The following DMD variants were observed in gnomAD, a reference collection of about 807,000 sequenced individuals.
The protein encoded by DMD is mutant dystrophin.
Under a neutral mutation model 330.1 loss-of-function variants are expected in DMD, and 63 were observed. That is an observed-to-expected ratio of 0.19 (90% CI 0.16 to 0.24). DMD has a LOEUF of 0.24. Ranked by LOEUF, DMD falls within the 10% of genes least tolerant of loss-of-function variation. The pLI is 1.00. For missense variants in DMD, 3,344 were observed against 2,684.1 expected (o/e 1.25, Z -5.43); for synonymous variants, 1,223 against 959.8 (o/e 1.27, Z -5.07).
At chrX:32,823,504 T>C (rs966787366) in intron 4 of DMD, 117 bp from the exon 5 acceptor site, 3 of 513,919 alleles carry the variant, frequency 5.8e-6, no homozygotes, top group African/African-American at 4.8e-5. Context: ...GACTTAGCAT[T>C]GAAGCTTTTT....
intron 43 of DMD, among the ~76,000 whole-genome samples, chrX:32,219,884 TG>T (rs1324740453): frequency 8.9e-6 from 1 of 112,178 alleles, no homozygotes; most frequent in Non-Finnish European, 1.9e-5. Flanking sequence ...TATTGGTAAT[TG>T]CCATCCTCTA....
At chrX:32,128,719 C>T (rs1017420087) in intron 44 of DMD, among the ~76,000 whole-genome samples, 14 of 111,707 alleles carry the variant, frequency 1.3e-4, no homozygotes, top group African/African-American at 4.2e-4. Flanking sequence ...GTATTTATCA[C>T]CATTCAACAC....
Position 33,136,278 on chromosome X carries a change from C to CAAAAAAAAAA in DMD, c.31+74994_31+75003dup, listed in dbSNP as rs57297863. ...TGGGTGGCAGAGTGAGACCCCGTCT[C>CAAAAAAAAAA]AAAAAAAAAAAAAAAAAAAAAAAAA... On this transcript the variant is annotated intron_variant, in intron 1 of 78. Transcript: ENST00000357033. Among the ~76,000 whole-genome samples, 3 of 19,712 alleles carry CAAAAAAAAAA rather than the reference C, an allele frequency of 1.5e-4. 1 individual carries two copies. The highest frequency in any genetic ancestry group is 8.5e-4 in the African/African-American group (3 of 3,542). The allele number at this position is 19,712 out of a possible 115,157, so 17.1% of individuals were successfully genotyped here. A position where few individuals can be genotyped will look rare whatever the true frequency, so the allele number is the denominator to read the frequency against.
At chrX:31,627,570 G>A in intron 55 of DMD, 103 bp downstream of exon 55, 1 of 880,009 alleles carries the variant, frequency 1.1e-6, no homozygotes, top group Non-Finnish European at 1.6e-6. Context: ...CTGTATAAAA[G>A]CAACTATTTT....
At chrX:32,269,106 G>A (rs1478012338) in intron 43 of DMD, among the ~76,000 whole-genome samples, 2 of 111,148 alleles carry the variant, frequency 1.8e-5, no homozygotes, top group Admixed American at 1.9e-4. Flanking sequence ...GGGCTCCCGC[G>A]TGCGCACTAA....
chrX:33,109,754 T>A (rs775742841), intron 1 of DMD, among the ~76,000 whole-genome samples: 1 of 111,114 alleles, frequency 9.0e-6, no homozygotes, highest in South Asian at 3.8e-4. Flanking sequence ...TTGTTTGAAA[T>A]AATGAGATTT....
intron 52 of DMD, among the ~76,000 whole-genome samples, chrX:31,704,642 T>C (rs1251674869): frequency 1.8e-5 from 2 of 111,620 alleles, no homozygotes; most frequent in Admixed American, 9.5e-5. Context: ...TTAAAACATA[T>C]AAAACTAATG....
At chrX:32,788,786 T>C (rs770202588) in intron 7 of DMD, among the ~76,000 whole-genome samples, 11 of 112,300 alleles carry the variant, frequency 9.8e-5, no homozygotes, top group Admixed American at 8.5e-4. Flanking sequence ...AGACTTCTAA[T>C]TTGAAAACTA....
At chrX:31,902,564 C>T (rs1281340419) in intron 47 of DMD, among the ~76,000 whole-genome samples, 1 of 111,240 alleles carries the variant, frequency 9.0e-6, no homozygotes, top group Non-Finnish European at 1.9e-5. Flanking sequence ...GTAGGCAAAG[C>T]GATATAAGAG....
intron 41 of DMD, among the ~76,000 whole-genome samples, chrX:32,328,036 C>T (rs369727991): frequency 3.6e-5 from 4 of 111,048 alleles, no homozygotes; most frequent in African/African-American, 1.3e-4. Context: ...AAATGATGAA[C>T]GTTAGAGTCT....
intron 45 of DMD, among the ~76,000 whole-genome samples, chrX:31,962,487 G>A (rs1468079724): frequency 9.0e-6 from 1 of 111,493 alleles, no homozygotes; most frequent in Non-Finnish European, 1.9e-5. Flanking sequence ...GCATTTCTTA[G>A]CAACTCCCAG....
chrX:32,361,745 T>C (rs1323224664), intron 37 of DMD, among the ~76,000 whole-genome samples: 1 of 111,824 alleles, frequency 8.9e-6, no homozygotes, highest in Non-Finnish European at 1.9e-5. Flanking sequence ...CAAAATATTT[T>C]TTGAAAATGT....
At chrX:31,480,747 A>C (rs1168098212) in intron 57 of DMD, among the ~76,000 whole-genome samples, 3 of 111,372 alleles carry the variant, frequency 2.7e-5, no homozygotes, top group Non-Finnish European at 5.7e-5. Flanking sequence ...GGCTCCCTCT[A>C]TTGAACTACC....
intron 4 of DMD, among the ~76,000 whole-genome samples, chrX:32,826,752 G>A (rs1372322843): frequency 1.8e-5 from 2 of 110,896 alleles, no homozygotes; most frequent in African/African-American, 6.6e-5. Flanking sequence ...ACATTTAATA[G>A]GAATAAATTC....
At chrX:32,042,200 C>CACACAT (rs1320545270) in intron 44 of DMD, among the ~76,000 whole-genome samples, 4 of 103,406 alleles carry the variant, frequency 3.9e-5, no homozygotes. Flanking sequence ...TACACACACA[C>CACACAT]ACACATACAC....
At chrX:32,732,174 G>A (rs573427969) in intron 7 of DMD, among the ~76,000 whole-genome samples, 2 of 111,334 alleles carry the variant, frequency 1.8e-5, no homozygotes, top group South Asian at 7.7e-4. Context: ...GATGGAAGAT[G>A]AAATTAATGA....
At chrX:31,585,053 G>A (rs1457267554) in intron 55 of DMD, among the ~76,000 whole-genome samples, 1 of 110,282 alleles carries the variant, frequency 9.1e-6, no homozygotes, top group East Asian at 2.8e-4. Flanking sequence ...GAGGCGCGGT[G>A]GCTCACACCT....
chrX:32,696,050 G>A (rs957793312), intron 9 of DMD, among the ~76,000 whole-genome samples: 8 of 112,012 alleles, frequency 7.1e-5, no homozygotes, highest in African/African-American at 1.3e-4. Flanking sequence ...TCTGGGGAGT[G>A]AGGGCATGCA....
chrX:32,834,679 C>T (rs2079453074), intron 4 of DMD, among the ~76,000 whole-genome samples: 1 of 111,668 alleles, frequency 9.0e-6, no homozygotes, highest in South Asian at 3.7e-4. Context: ...TAGTATCCCA[C>T]ATTGTAGATT....
Sources: gnomAD v4.1 joint callset for allele counts (sites outside exome capture counted in the v4.1 genomes callset) on GRCh38, gnomAD v4.1.1 for gene constraint, MANE v1.5 for transcripts, NCBI Gene and HGNC (gene_info 2026-07-23, HGNC 2026-07-21) for gene names.